Variants in FBXW2 observed in about 807,000 individuals in gnomAD.
FBXW2 encodes the protein F-box and WD repeat domain containing 2.
In FBXW2, 12 loss-of-function variants were observed where a neutral mutation model predicts 46.0. That is an observed-to-expected ratio of 0.26 (90% confidence interval 0.17 to 0.42). The LOEUF (loss-of-function observed/expected upper bound fraction) is 0.42, where lower values mean the gene tolerates loss of function less well. Among genes scored for constraint, FBXW2 ranks in the 10% least tolerant of loss-of-function variants. The probability of loss-of-function intolerance (pLI) is 1.00; values close to 1 mark genes in which losing one functional copy is unlikely to be tolerated. For missense variants in FBXW2, 360 were observed against 537.0 expected, an observed-to-expected ratio of 0.67 and a Z score of 3.26; for synonymous variants, 203 against 209.6, an observed-to-expected ratio of 0.97 and a Z score of 0.27.
intron 7 of FBXW2, among the ~76,000 whole-genome samples, chr9:120,766,677 T>C (rs1043776994): frequency 1.3e-5 from 2 of 152,132 alleles, no homozygotes; most frequent in African/African-American, 4.8e-5. Flanking sequence ...GTTGGCGAGA[T>C]GGTCTCGATC....
At chr9:120,775,171 T>C (rs536487481) in intron 5 of FBXW2, among the ~76,000 whole-genome samples, 84 of 152,226 alleles carry the variant, frequency 5.5e-4, no homozygotes, top group Non-Finnish European at 1.1e-3. Flanking sequence ...TTAATTCCCC[T>C]GTCTCAGCCT....
chr9:120,780,923 A>G (rs1325164205), intron 3 of FBXW2, among the ~76,000 whole-genome samples: 1 of 152,054 alleles, frequency 6.6e-6, no homozygotes, highest in Non-Finnish European at 1.5e-5. Context: ...ATTTATGACC[A>G]TGCTCTATAA....
intron 6 of FBXW2, among the ~76,000 whole-genome samples, chr9:120,771,993 A>G (rs1015755754): frequency 7.0e-6 from 1 of 142,430 alleles, no homozygotes; most frequent in African/African-American, 2.6e-5. Flanking sequence ...TGGGAGGCAG[A>G]GGTTGCAGTA....
Position 120,762,669 on chromosome 9 carries a change from G to C in FBXW2, c.*1890C>G, listed in dbSNP as rs765705111. ...CTATGCTAATGCAGATTCTGCAAGA[G>C]ATAGGTCCCCACTCTAGAGTTCACA... On this transcript the variant is annotated 3_prime_UTR_variant, in exon 8 of 8. Transcript: ENST00000608872. 3.9e-5 allele frequency: 6 copies of C among 152,248 alleles called. No individual in the cohort carries two copies. Among genetic ancestry groups the C allele is most frequent in the Non-Finnish European group, 8.8e-5 (6 of 68,054 alleles). The allele number at this position is 152,248 out of a possible 1,614,324, so 9.4% of individuals were successfully genotyped here.
intron 2 of FBXW2, among the ~76,000 whole-genome samples, chr9:120,789,622 A>G (rs981240842): frequency 6.6e-6 from 1 of 152,226 alleles, no homozygotes; most frequent in Non-Finnish European, 1.5e-5. Context: ...CAAGACTGTC[A>G]TATTAATTTT....
At chr9:120,787,248 C>T (rs1228861448) in intron 3 of FBXW2, among the ~76,000 whole-genome samples, 1 of 152,180 alleles carries the variant, frequency 6.6e-6, no homozygotes, top group East Asian at 1.9e-4. Flanking sequence ...AGTCTGGTCT[C>T]GAACTCCTGA....
chr9:120,781,655 C>CATAT (rs2044614909), intron 3 of FBXW2, among the ~76,000 whole-genome samples: 1 of 151,462 alleles, frequency 6.6e-6, no homozygotes, highest in Non-Finnish European at 1.5e-5. Context: ...CACACACACA[C>CATAT]ACACACACAC....
At chr9:120,783,346 G>T (rs1332271685) in intron 3 of FBXW2, among the ~76,000 whole-genome samples, 1 of 152,102 alleles carries the variant, frequency 6.6e-6, no homozygotes, top group East Asian at 1.9e-4. Flanking sequence ...TGTTTTCAAA[G>T]AGGTCACCAG....
chr9:120,786,017 T>G (rs1404409973), intron 3 of FBXW2, among the ~76,000 whole-genome samples: 1 of 47,090 alleles, frequency 2.1e-5, no homozygotes, highest in African/African-American at 9.2e-5. Flanking sequence ...AGACTCCATC[T>G]CAAAAAAAAA....
chr9:120,776,360 C>T lies in FBXW2; in HGVS notation c.686-134G>A, dbSNP rs898301888. ...ACACCGTAAGAATGATGCTATTCAA[C>T]TAGCAATTTTCTGATAAAACTATTT... On this transcript the variant is annotated intron_variant, in intron 4 of 7. Transcript: ENST00000608872. 4.1e-6 allele frequency: 4 copies of T among 969,228 alleles called. No homozygotes were observed. The African/African-American group carries it at 6.8e-5, about 16-fold the overall frequency. The allele number at this position is 969,228 out of a possible 1,614,324, so 60.0% of individuals were successfully genotyped here. A position where few individuals can be genotyped will look rare whatever the true frequency, so the allele number is the denominator to read the frequency against.
intron 3 of FBXW2, among the ~76,000 whole-genome samples, chr9:120,784,850 G>A (rs943112679): frequency 6.6e-6 from 1 of 150,868 alleles, no homozygotes; most frequent in Non-Finnish European, 1.5e-5. Flanking sequence ...GAACCCAGGA[G>A]GAGGAGGTTG....
In FBXW2 at chr9:120,788,115, T is replaced by C. The variant is rs1207471147; in HGVS notation, c.144A>G (p.Leu48=). ...AVQLRHLSNN[L]ETLLKRDFLK... ...GGAAGTCCCGCTTGAGGAGAGTCTC[T>C]AGGTTATTGGAGAGATGCCTGAGCT... Residue 48 remains leucine, a synonymous_variant, in exon 3 of 8, where the codon CTA becomes CTG. Coordinates refer to ENST00000608872, the MANE Select transcript of FBXW2 (RefSeq NM_012164.4). The C allele has an allele frequency of 1.9e-6, 3 of 1,614,120 alleles. No homozygotes were observed. The highest frequency in any genetic ancestry group is 2.5e-6 in the Non-Finnish European group (3 of 1,180,000).
intron 7 of FBXW2, among the ~76,000 whole-genome samples, chr9:120,768,933 G>A (rs1296315080): frequency 6.6e-6 from 1 of 152,162 alleles, no homozygotes; most frequent in East Asian, 1.9e-4. Flanking sequence ...ACCGGGTTAG[G>A]GCTCAAGATC....
chr9:120,778,609 C>A, intron 3 of FBXW2, 64 bp from the exon 4 acceptor site: 1 of 1,393,530 alleles, frequency 7.2e-7, no homozygotes, highest in Non-Finnish European at 1.0e-6. Flanking sequence ...AAATCAATCC[C>A]AAAATCATGG....
chr9:120,774,560 G>A (rs1042857045), intron 5 of FBXW2, among the ~76,000 whole-genome samples: 2 of 152,112 alleles, frequency 1.3e-5, no homozygotes, highest in African/African-American at 4.8e-5. Flanking sequence ...CAGTGAATCT[G>A]CAAGCCAGGT....
rs2044156717 is a variant in FBXW2, at chr9:120,758,868, A to G, written c.*5691T>C. On this transcript the variant is annotated 3_prime_UTR_variant, in exon 8 of 8. Transcript: ENST00000608872. The stretch of plus-strand genomic sequence containing the variant: ...ATAGACACATCCTTGGGCAAAAGAG[A>G]GGAAGACTATTCCAAGGTCTGGAAG... The G allele has an allele frequency of 6.6e-6, 1 of 152,196 alleles. No homozygotes were observed. The highest frequency in any genetic ancestry group is 6.5e-5 in the Admixed American group (1 of 15,284). 9.4% of individuals were successfully genotyped at this position (152,196 alleles called of 1,614,324 possible).
intron 6 of FBXW2, 109 bp from the exon 7 acceptor site, chr9:120,771,626 G>C: frequency 3.3e-6 from 3 of 909,802 alleles, no homozygotes; most frequent in Non-Finnish European, 4.9e-6. Flanking sequence ...AAGTATACTG[G>C]AAAGACCCCA....
At chr9:120,772,982 C>T in intron 5 of FBXW2, 142 bp from the exon 6 acceptor site, 1 of 637,358 alleles carries the variant, frequency 1.6e-6, no homozygotes, top group South Asian at 1.9e-5. Flanking sequence ...TTAACCTCTA[C>T]TAAAAGTTTT....
chr9:120,789,639 A>G lies in FBXW2; in HGVS notation c.-20-1361T>C, dbSNP rs1427669593. On this transcript the variant is annotated intron_variant, in intron 2 of 7. Coordinates refer to ENST00000608872, the MANE Select transcript of FBXW2 (RefSeq NM_012164.4). ...AGACTGTCATATTAATTTTAAAAAC[A>G]TATGTCCAAATTAATGTGAAAAAGG... Among the ~76,000 whole-genome samples the G allele has an allele frequency of 2.0e-5, 3 of 152,224 alleles. No homozygotes were observed. The East Asian group carries it at 5.8e-4, about 29-fold the overall frequency.
Sources: allele counts gnomAD v4.1 joint callset (sites outside exome capture counted in the v4.1 genomes callset), GRCh38; gene constraint gnomAD v4.1.1; transcripts MANE v1.5; gene names NCBI Gene and HGNC (gene_info 2026-07-23, HGNC 2026-07-21).